The following AOPEP variants were observed in gnomAD, a reference collection of about 807,000 sequenced individuals.
AOPEP encodes aminopeptidase O (putative), also known as aminopeptidase O.
In AOPEP, 77 loss-of-function variants were observed where a neutral mutation model predicts 98.1. That is an observed-to-expected ratio of 0.78 (90% CI 0.65 to 0.95). The LOEUF (loss-of-function observed/expected upper bound fraction) is 0.95. AOPEP is among the 40% of genes least tolerant of loss of function. The pLI is 0.00. For missense variants in AOPEP, 1,024 were observed against 1,024.7 expected, an observed-to-expected ratio of 1.00 and a Z score of 0.01; for synonymous variants, 346 against 365.3, an observed-to-expected ratio of 0.95 and a Z score of 0.60.
intron 5 of AOPEP, among the ~76,000 whole-genome samples, chr9:94,886,202 C>T (rs1254619714): frequency 6.6e-6 from 1 of 152,204 alleles, no homozygotes; most frequent in African/African-American, 2.4e-5. Context: ...GCCAGGGCAT[C>T]TGTCAGGTGC....
intron 5 of AOPEP, among the ~76,000 whole-genome samples, chr9:94,844,414 G>A (rs1251639397): frequency 6.6e-6 from 1 of 152,208 alleles, no homozygotes; most frequent in Non-Finnish European, 1.5e-5. Context: ...TGATGTTTCA[G>A]TGCATGTATA....
chr9:94,848,269 G>A (rs1240377078), intron 5 of AOPEP, among the ~76,000 whole-genome samples: 1 of 151,878 alleles, frequency 6.6e-6, no homozygotes, highest in Non-Finnish European at 1.5e-5. Context: ...TGGCTAACAC[G>A]GTGAAACCCC....
chr9:94,923,058 C>T (rs2053844974), intron 5 of AOPEP, among the ~76,000 whole-genome samples: 1 of 152,110 alleles, frequency 6.6e-6, no homozygotes. Flanking sequence ...TGTTTTTGTT[C>T]AACTGATGGA....
chr9:94,950,637 C>T (rs929915029), intron 7 of AOPEP, among the ~76,000 whole-genome samples: 1 of 152,208 alleles, frequency 6.6e-6, no homozygotes, highest in Non-Finnish European at 1.5e-5. Context: ...GGGGCAGCTG[C>T]GACTAACAGA....
chr9:94,987,346 G>A (rs2060584510), intron 11 of AOPEP, among the ~76,000 whole-genome samples: 2 of 152,254 alleles, frequency 1.3e-5, no homozygotes, highest in Non-Finnish European at 2.9e-5. Flanking sequence ...AGCATGGGCA[G>A]GTGGAGATTG....
chr9:94,906,016 G>A (rs777501774), intron 5 of AOPEP, among the ~76,000 whole-genome samples: 8 of 152,122 alleles, frequency 5.3e-5, no homozygotes, highest in Non-Finnish European at 7.4e-5. Flanking sequence ...GGAAAGAAAC[G>A]AATAACTTAA....
chr9:94,885,829 A>G (rs1005485186), intron 5 of AOPEP, among the ~76,000 whole-genome samples: 8 of 152,332 alleles, frequency 5.3e-5, no homozygotes, highest in Middle Eastern at 3.4e-3. Context: ...CTGATTTACA[A>G]AAGCTTTCTG....
intron 13 of AOPEP, among the ~76,000 whole-genome samples, chr9:95,027,126 G>A (rs2063907108): frequency 6.6e-6 from 1 of 152,120 alleles, no homozygotes; most frequent in Admixed American, 6.6e-5. Context: ...GCTGGATACG[G>A]TGGCATGCAC....
the AOPEP span, among the ~76,000 whole-genome samples, chr9:95,149,714 G>A: frequency 2.0e-5 from 3 of 152,034 alleles, no homozygotes; most frequent in Non-Finnish European, 2.9e-5. Context: ...CCTGACCTCA[G>A]GTGATCCACC....
chr9:94,991,513 A>G (rs2060891606), intron 11 of AOPEP, among the ~76,000 whole-genome samples: 1 of 152,224 alleles, frequency 6.6e-6, no homozygotes, highest in Non-Finnish European at 1.5e-5. Context: ...GCTTGAGTAC[A>G]GGATTCTAAG....
chr9:94,992,329 T>C (rs1236227845), intron 11 of AOPEP, among the ~76,000 whole-genome samples: 1 of 152,248 alleles, frequency 6.6e-6, no homozygotes, highest in African/African-American at 2.4e-5. Flanking sequence ...GACCCTGTTC[T>C]TCCAGGTCAG....
chr9:94,823,809 G>A (rs935602543), intron 5 of AOPEP, among the ~76,000 whole-genome samples: 2 of 152,122 alleles, frequency 1.3e-5, no homozygotes, highest in African/African-American at 4.8e-5. Flanking sequence ...CACAGTTATC[G>A]GGTGCTCATT....
chr9:95,004,417 T>C (rs2061776307), intron 11 of AOPEP: 1 of 388,386 alleles, frequency 2.6e-6, no homozygotes, highest in Admixed American at 2.7e-5. Context: ...CGGGGCTGGG[T>C]TTCTCTGCGC....
intron 5 of AOPEP, among the ~76,000 whole-genome samples, chr9:94,836,545 G>C (rs1353326595): frequency 6.6e-6 from 1 of 152,016 alleles, no homozygotes; most frequent in African/African-American, 2.4e-5. Flanking sequence ...ATTATTAATT[G>C]GGTTGTTTTC....
intron 5 of AOPEP, among the ~76,000 whole-genome samples, chr9:94,822,430 GTT>G (rs1853454550): frequency 6.6e-6 from 1 of 152,174 alleles, no homozygotes; most frequent in African/African-American, 2.4e-5. Flanking sequence ...AAGCTTTGCT[GTT>G]TTTGCTTTAA....
intron 5 of AOPEP, among the ~76,000 whole-genome samples, chr9:94,839,728 A>G (rs1301467859): frequency 6.6e-6 from 1 of 152,154 alleles, no homozygotes; most frequent in Non-Finnish European, 1.5e-5. Flanking sequence ...GACTTACAAT[A>G]TGATGTGGAC....
At chr9:94,765,064 C>T (rs1442032773) in intron 2 of AOPEP, among the ~76,000 whole-genome samples, 3 of 151,768 alleles carry the variant, frequency 2.0e-5, no homozygotes, top group Non-Finnish European at 4.4e-5. Context: ...TTGGCTGAAA[C>T]GATCCTTCCA....
In AOPEP at chr9:94,987,624, A is replaced by C. The variant is rs1375030347; in HGVS notation, c.1977+8197A>C. Among the ~76,000 whole-genome samples the C allele has an allele frequency of 3.3e-5, 5 of 152,306 alleles. No individual in the cohort carries two copies. The East Asian group carries it at 9.6e-4, about 29-fold the overall frequency. The stretch of plus-strand genomic sequence containing the variant: ...TCAGGTCCCTCCCAGCCCCTGCAAC[A>C]ATCTAACCAAGGTTGTTCTGCTCCT... On this transcript the variant is annotated intron_variant, in intron 11 of 16. Transcript: ENST00000375315.
intron 3 of AOPEP, among the ~76,000 whole-genome samples, chr9:94,774,490 A>G (rs1841644330): frequency 6.6e-6 from 1 of 152,062 alleles, no homozygotes; most frequent in African/African-American, 2.4e-5. Flanking sequence ...TCATCCTCAA[A>G]TTGTGATAGC....
Sources: gnomAD v4.1 joint callset for allele counts (sites outside exome capture counted in the v4.1 genomes callset) on GRCh38, gnomAD v4.1.1 for gene constraint, MANE v1.5 for transcripts, NCBI Gene and HGNC (gene_info 2026-07-23, HGNC 2026-07-21) for gene names.